CADPS2: variants seen among roughly 807,000 people sequenced by gnomAD.
CADPS2 encodes calcium dependent secretion activator 2.
In CADPS2, 93 loss-of-function variants were observed where a neutral mutation model predicts 172.5. That is an observed-to-expected ratio of 0.54 (90% CI 0.46 to 0.64). The LOEUF is 0.64. Ranked by LOEUF, CADPS2 falls within the 30% of genes least tolerant of loss-of-function variation. The pLI, the probability that CADPS2 is intolerant of heterozygous loss-of-function variation, is 0.00. For missense variants in CADPS2, 1,420 were observed against 1,565.9 expected, an observed-to-expected ratio of 0.91 and a Z score of 1.57; for synonymous variants, 546 against 555.2, an observed-to-expected ratio of 0.98 and a Z score of 0.23.
At chr7:122,541,204 T>TC (rs2062883827) in intron 8 of CADPS2, among the ~76,000 whole-genome samples, 1 of 151,258 alleles carries the variant, frequency 6.6e-6, no homozygotes, top group South Asian at 2.1e-4. Flanking sequence ...AGATGATTTT[T>TC]TTTTTTTTTT....
intron 1 of CADPS2, among the ~76,000 whole-genome samples, chr7:122,764,347 A>ATGGTAG (rs2093481030): frequency 6.6e-6 from 1 of 152,142 alleles, no homozygotes; most frequent in Non-Finnish European, 1.5e-5. Context: ...CCTATTTATA[A>ATGGTAG]CTGTATCCTC....
intron 6 of CADPS2, among the ~76,000 whole-genome samples, chr7:122,594,104 T>A (rs1424824134): frequency 6.6e-6 from 1 of 152,028 alleles, no homozygotes; most frequent in Non-Finnish European, 1.5e-5. Flanking sequence ...AATTTTTTAT[T>A]ATGATGGAAA....
chr7:122,344,652 C>T (rs2037300641), intron 28 of CADPS2, among the ~76,000 whole-genome samples: 1 of 152,148 alleles, frequency 6.6e-6, no homozygotes, highest in African/African-American at 2.4e-5. Flanking sequence ...GTTTGTTTAA[C>T]AGTAGAATAT....
At chr7:122,705,223 G>A (rs1220231037) in intron 2 of CADPS2, among the ~76,000 whole-genome samples, 1 of 151,342 alleles carries the variant, frequency 6.6e-6, no homozygotes, top group African/African-American at 2.4e-5. Context: ...ATCAGAATGA[G>A]GTCTAAGAGT....
At chr7:122,723,052 T>C (rs1252714461) in intron 2 of CADPS2, among the ~76,000 whole-genome samples, 6 of 152,068 alleles carry the variant, frequency 3.9e-5, no homozygotes, top group Non-Finnish European at 8.8e-5. Context: ...AAGACTTAAA[T>C]GTTAGACTTA....
intron 1 of CADPS2, among the ~76,000 whole-genome samples, chr7:122,843,724 C>A (rs1465613960): frequency 6.6e-6 from 1 of 152,154 alleles, no homozygotes. Flanking sequence ...GATGAGAACA[C>A]AAGAGCTAGA....
intron 1 of CADPS2, among the ~76,000 whole-genome samples, chr7:122,830,428 C>G (rs1162162033): frequency 6.6e-6 from 1 of 151,728 alleles, no homozygotes; most frequent in East Asian, 1.9e-4. Context: ...GCAAATCTCA[C>G]TGATCTCAAA....
At chr7:122,599,607 C>T (rs549623851) in intron 6 of CADPS2, among the ~76,000 whole-genome samples, 2 of 151,880 alleles carry the variant, frequency 1.3e-5, no homozygotes, top group Non-Finnish European at 2.9e-5. Flanking sequence ...AAGATATCCC[C>T]GGAAGAGAAG....
intron 1 of CADPS2, among the ~76,000 whole-genome samples, chr7:122,868,001 C>T (rs1818743642): frequency 6.6e-6 from 1 of 152,130 alleles, no homozygotes; most frequent in African/African-American, 2.4e-5. Context: ...CTAGAAATCT[C>T]TTCCTGCTAG....
At chr7:122,835,916 G>A (rs1357961912) in intron 1 of CADPS2, among the ~76,000 whole-genome samples, 1 of 152,074 alleles carries the variant, frequency 6.6e-6, no homozygotes, top group Admixed American at 6.5e-5. Flanking sequence ...TCAAACTCAG[G>A]AAATACAGAG....
chr7:122,638,919 C>T (rs1044829081), intron 3 of CADPS2, among the ~76,000 whole-genome samples: 7 of 152,198 alleles, frequency 4.6e-5, no homozygotes, highest in African/African-American at 9.7e-5. Context: ...GTCACTATTT[C>T]CTCTCCACGA....
intron 1 of CADPS2, among the ~76,000 whole-genome samples, chr7:122,861,880 G>C (rs1214448965): frequency 6.6e-6 from 1 of 152,188 alleles, no homozygotes; most frequent in African/African-American, 2.4e-5. Flanking sequence ...AGCAACACTA[G>C]AAGCTAGAAG....
chr7:122,636,465 T>G (rs1205525822), intron 3 of CADPS2, among the ~76,000 whole-genome samples: 2 of 12,920 alleles, frequency 1.5e-4, no homozygotes, highest in East Asian at 2.6e-3. Flanking sequence ...AAGAGATGTT[T>G]TTTTTTTTTT....
At chr7:122,667,795 AAAG>A (rs2081335560) in intron 2 of CADPS2, among the ~76,000 whole-genome samples, 1 of 152,204 alleles carries the variant, frequency 6.6e-6, no homozygotes, top group African/African-American at 2.4e-5. Context: ...GAGAGAAAAA[AAAG>A]GATACTTCAA....
At chr7:122,445,793 G>A (rs750665366) in intron 15 of CADPS2, among the ~76,000 whole-genome samples, 2 of 152,146 alleles carry the variant, frequency 1.3e-5, no homozygotes. Context: ...CCAGCCCTGA[G>A]ACAGGGCGAC....
intron 8 of CADPS2, among the ~76,000 whole-genome samples, chr7:122,527,606 G>A (rs2061350381): frequency 8.0e-6 from 1 of 125,038 alleles, no homozygotes; most frequent in African/African-American, 3.2e-5. Flanking sequence ...GAGAGAGAGA[G>A]AGAGAGAGAG....
chr7:122,359,509 A>C (rs993419359), intron 27 of CADPS2, among the ~76,000 whole-genome samples: 2 of 152,162 alleles, frequency 1.3e-5, no homozygotes, highest in Non-Finnish European at 2.9e-5. Context: ...AAAATCTCTA[A>C]GAACATGAAT....
intron 3 of CADPS2, among the ~76,000 whole-genome samples, chr7:122,641,809 G>A (rs1223573618): frequency 6.6e-6 from 1 of 151,270 alleles, no homozygotes; most frequent in East Asian, 1.9e-4. Context: ...CCCTGTTGCA[G>A]GATTTTCAGT....
At chr7:122,692,818 C>CG (rs1443743889) in intron 2 of CADPS2, among the ~76,000 whole-genome samples, 1 of 151,646 alleles carries the variant, frequency 6.6e-6, no homozygotes, top group African/African-American at 2.4e-5. Context: ...CCATCCACAG[C>CG]TCTCACGCAC....
Sources: gnomAD v4.1 joint callset for allele counts (sites outside exome capture counted in the v4.1 genomes callset) on GRCh38, gnomAD v4.1.1 for gene constraint, MANE v1.5 for transcripts, NCBI Gene and HGNC (gene_info 2026-07-23, HGNC 2026-07-21) for gene names.